MIPOL1: variants seen among roughly 807,000 people sequenced by gnomAD.
MIPOL1 encodes mirror-image polydactyly gene 1 protein.
MIPOL1 carries 57 observed loss-of-function variants against 60.9 expected under a neutral mutation model. The ratio of observed to expected loss-of-function variants is 0.94; its 90% CI spans 0.76 to 1.17. The LOEUF is 1.17. Ranked by LOEUF, MIPOL1 falls within the 50% of genes most tolerant of loss-of-function variation. The pLI is 0.00. For synonymous variants in MIPOL1, 179 were observed against 168.8 expected (o/e 1.06, Z -0.47); for missense variants, 551 against 511.6 (o/e 1.08, Z -0.74).
At chr14:37,442,822 A>C (rs1217626213) in intron 11 of MIPOL1, among the ~76,000 whole-genome samples, 1 of 152,092 alleles carries the variant, frequency 6.6e-6, no homozygotes, top group Non-Finnish European at 1.5e-5. Context: ...AAACATTGTT[A>C]AAGAAATTAA....
chr14:37,503,298 A>G (rs751291039), intron 12 of MIPOL1: 3 of 152,172 alleles, frequency 2.0e-5, no homozygotes, highest in Non-Finnish European at 2.9e-5. Context: ...GAGCAAACCC[A>G]TGAAACATAA....
intron 7 of MIPOL1, among the ~76,000 whole-genome samples, chr14:37,293,239 A>G (rs1239300437): frequency 3.9e-5 from 6 of 152,230 alleles, no homozygotes; most frequent in African/African-American, 1.2e-4. Flanking sequence ...TTAGCTCACT[A>G]TCTTCCCAAC....
chr14:37,511,796 T>C (rs1415412723), intron 12 of MIPOL1, among the ~76,000 whole-genome samples: 1 of 152,220 alleles, frequency 6.6e-6, no homozygotes, highest in Non-Finnish European at 1.5e-5. Context: ...TTTTGTCATA[T>C]GTCATTTTTA....
intron 6 of MIPOL1, chr14:37,278,195 G>C (rs1397148571): frequency 5.3e-5 from 8 of 151,508 alleles, no homozygotes; most frequent in African/African-American, 1.7e-4. Flanking sequence ...CAGAAACATC[G>C]AACTAATTTG....
At chr14:37,231,837 T>C (rs1402570116) in intron 1 of MIPOL1, among the ~76,000 whole-genome samples, 1 of 152,100 alleles carries the variant, frequency 6.6e-6, no homozygotes, top group African/African-American at 2.4e-5. Flanking sequence ...CCTAGCACTT[T>C]AGGAGGCTGA....
At chr14:37,254,009 A>G (rs1215630870) in intron 3 of MIPOL1, among the ~76,000 whole-genome samples, 3 of 151,654 alleles carry the variant, frequency 2.0e-5, no homozygotes, top group South Asian at 4.1e-4. Flanking sequence ...TAAATTTACT[A>G]CTTATCTCCA....
intron 12 of MIPOL1, among the ~76,000 whole-genome samples, chr14:37,519,196 C>T (rs1167110962): frequency 1.3e-5 from 2 of 152,114 alleles, no homozygotes; most frequent in Non-Finnish European, 2.9e-5. Flanking sequence ...AGAGAGCTTA[C>T]TTAGTATAAC....
intron 12 of MIPOL1, among the ~76,000 whole-genome samples, chr14:37,521,908 A>AAAGTCT (rs2095416345): frequency 4.8e-5 from 1 of 20,660 alleles, no homozygotes; most frequent in African/African-American, 1.5e-4. Flanking sequence ...ATATATATAT[A>AAAGTCT]TATTTTTTTT....
intron 1 of MIPOL1, among the ~76,000 whole-genome samples, chr14:37,210,681 C>T (rs1014111261): frequency 1.3e-5 from 2 of 151,990 alleles, no homozygotes. Context: ...TCAGTGGGGG[C>T]CACAGGACTG....
At chr14:37,488,445 G>T (rs2094988754) in intron 11 of MIPOL1, among the ~76,000 whole-genome samples, 1 of 152,150 alleles carries the variant, frequency 6.6e-6, no homozygotes, top group Non-Finnish European at 1.5e-5. Context: ...CTATTATTGT[G>T]TGGGAGTCTA....
At chr14:37,396,339 A>G (rs2093371141) in intron 10 of MIPOL1, among the ~76,000 whole-genome samples, 1 of 152,140 alleles carries the variant, frequency 6.6e-6, no homozygotes, top group Non-Finnish European at 1.5e-5. Flanking sequence ...CAGCTGAGAA[A>G]TCTGCTGTTA....
intron 1 of MIPOL1, among the ~76,000 whole-genome samples, chr14:37,224,548 A>C (rs561395677): frequency 1.3e-5 from 2 of 152,284 alleles, no homozygotes; most frequent in Admixed American, 6.5e-5. Context: ...GAACCATCAG[A>C]TCTTGTGAGA....
intron 7 of MIPOL1, among the ~76,000 whole-genome samples, chr14:37,304,668 G>T (rs572066585): frequency 8.6e-5 from 13 of 151,892 alleles, no homozygotes; most frequent in African/African-American, 3.1e-4. Flanking sequence ...AACGACTGTA[G>T]TTTCAGAAAA....
At chr14:37,230,294 TA>T (rs1489950954) in intron 1 of MIPOL1, among the ~76,000 whole-genome samples, 1 of 152,162 alleles carries the variant, frequency 6.6e-6, no homozygotes, top group Non-Finnish European at 1.5e-5. Context: ...TTTTAAGAAA[TA>T]AAAAAAGTTT....
intron 12 of MIPOL1, among the ~76,000 whole-genome samples, chr14:37,515,690 C>T (rs576679466): frequency 6.6e-6 from 1 of 152,248 alleles, no homozygotes; most frequent in Non-Finnish European, 1.5e-5. Flanking sequence ...TTTCACATAA[C>T]GTCCAAGAAG....
rs150327568 is a variant in MIPOL1 at position 37,350,188 on chromosome 14, C to T, written c.829-19329C>T. Among the ~76,000 whole-genome samples, 146 of 152,282 alleles carry T rather than the reference C, an allele frequency of 9.6e-4. 1 individual carries two copies. The highest frequency in any genetic ancestry group is 6.8e-3 in the Middle Eastern group (2 of 294). ...CTGAACTCAAGTAATCCTCCCACTT[C>T]AGCCTCCGTAATGGCTGGGACTACA... On this transcript the variant is annotated intron_variant, in intron 9 of 12. Transcript: ENST00000684589.
chr14:37,430,955 T>A (rs901631853), intron 11 of MIPOL1, among the ~76,000 whole-genome samples: 19 of 152,178 alleles, frequency 1.2e-4, no homozygotes. Flanking sequence ...AATTTCAACA[T>A]GTATAGCTCT....
intron 9 of MIPOL1, among the ~76,000 whole-genome samples, chr14:37,368,458 C>T (rs1051326742): frequency 4.6e-5 from 7 of 151,912 alleles, no homozygotes; most frequent in African/African-American, 1.7e-4. Flanking sequence ...ATGATAGCTG[C>T]GTCATGATTG....
At chr14:37,270,376 C>T (rs2083203178) in intron 5 of MIPOL1, 44 bp from the exon 6 acceptor site, 1 of 1,025,936 alleles carries the variant, frequency 9.7e-7, no homozygotes, top group African/African-American at 1.7e-5. Context: ...TTTTGCAAGA[C>T]ATTTGTCAAA....
Sources: gnomAD v4.1 joint callset for allele counts (sites outside exome capture counted in the v4.1 genomes callset) on GRCh38, gnomAD v4.1.1 for gene constraint, MANE v1.5 for transcripts, NCBI Gene and HGNC (gene_info 2026-07-23, HGNC 2026-07-21) for gene names.